RGS12: variants seen among roughly 807,000 people sequenced by gnomAD.
RGS12 encodes regulator of G protein signaling 12.
RGS12 carries 66 observed loss-of-function variants against 120.1 expected under a neutral mutation model. The ratio of observed to expected loss-of-function variants is 0.55; its 90% CI spans 0.45 to 0.67. The LOEUF is 0.67. RGS12 is among the 30% of genes least tolerant of loss of function. RGS12 has a pLI of 0.00. For missense variants in RGS12, 1,859 were observed against 1,957.7 expected, an observed-to-expected ratio of 0.95 and a Z score of 0.95; for synonymous variants, 827 against 804.7, an observed-to-expected ratio of 1.03 and a Z score of -0.47.
intron 4 of RGS12, among the ~76,000 whole-genome samples, chr4:3,406,793 G>C (rs887793709): frequency 2.6e-5 from 4 of 152,154 alleles, no homozygotes; most frequent in Non-Finnish European, 5.9e-5. Context: ...CCTCGGAAAG[G>C]GACCACCCCA....
chr4:3,361,328 G>A (rs1270398336), intron 3 of RGS12, among the ~76,000 whole-genome samples: 1 of 152,146 alleles, frequency 6.6e-6, no homozygotes, highest in African/African-American at 2.4e-5. Context: ...TTCACTTCAT[G>A]ATAAACCACC....
Position 3,343,132 on chromosome 4 carries a change from G to GT in RGS12, c.1998+85dup, listed in dbSNP as rs942888827. 6.0e-6 allele frequency: 6 copies of GT among 1,001,220 alleles called. No homozygotes were observed. In the African/African-American group the frequency reaches 6.4e-5, roughly 11 times the overall value. 62.0% of individuals were successfully genotyped at this position (1,001,220 alleles called of 1,614,324 possible). On this transcript the variant is annotated intron_variant, in intron 3 of 17. Transcript: ENST00000336727. ...GTCCACCTTGCAGATACGTCTGGCT[G>GT]TTTTTTGAGTCCCTGTGGTCCCCTC...
At chr4:3,353,290 A>T (rs1714546884) in intron 3 of RGS12, among the ~76,000 whole-genome samples, 1 of 152,178 alleles carries the variant, frequency 6.6e-6, no homozygotes, top group Non-Finnish European at 1.5e-5. Context: ...TCTTTCTGAT[A>T]GGAATGGAAA....
rs1453465639 is a variant in RGS12 at position 3,389,112 on chromosome 4, C to T, written c.2020+2675C>T. ...GTATCGTGCTTTTATAGCTTAGGCT[C>T]TCGCTGGAGAGTTTTAGTTTTGTGG... On this transcript the variant is annotated intron_variant, in intron 4 of 17. Transcript: ENST00000336727. This position sits in a 1 kb window ranked among gnomAD's most constrained non-coding sequence, Gnocchi z 5.2. 6.6e-6 allele frequency among the ~76,000 whole-genome samples: 1 copy of T among 152,184 alleles called. No homozygotes were observed. The highest frequency in any genetic ancestry group is 1.5e-5 in the Non-Finnish European group (1 of 68,040).
chr4:3,367,354 G>A (rs1043053944), intron 3 of RGS12, among the ~76,000 whole-genome samples: 2 of 152,266 alleles, frequency 1.3e-5, no homozygotes, highest in Non-Finnish European at 2.9e-5. Context: ...CCGTCCTGGT[G>A]AGGCGGTGCC....
At chr4:3,392,057 A>G (rs1719560005) in intron 4 of RGS12, among the ~76,000 whole-genome samples, 1 of 152,214 alleles carries the variant, frequency 6.6e-6, no homozygotes, top group Admixed American at 6.5e-5. Context: ...GCAGAAAGAA[A>G]GCATTATGTA....
At chr4:3,330,034 A>G (rs1050078236) in intron 2 of RGS12, among the ~76,000 whole-genome samples, 3 of 152,254 alleles carry the variant, frequency 2.0e-5, no homozygotes, top group Admixed American at 6.5e-5. Flanking sequence ...TCTGCCAAGT[A>G]CACCGCCTGG....
chr4:3,430,037 T>C (rs562143510), intron 16 of RGS12, among the ~76,000 whole-genome samples: 1 of 152,290 alleles, frequency 6.6e-6, no homozygotes, highest in South Asian at 2.1e-4. Context: ...GGGCCAGTCC[T>C]CAGAGGGCCC....
chr4:3,300,838 A>G (rs572690746), intron 1 of RGS12, among the ~76,000 whole-genome samples: 5 of 152,346 alleles, frequency 3.3e-5, no homozygotes, highest in Admixed American at 3.3e-4. Context: ...ATTCAGGATC[A>G]TTGCCTCATC....
the RGS12 span, among the ~76,000 whole-genome samples, chr4:3,287,770 A>G: frequency 1.3e-5 from 2 of 152,236 alleles, no homozygotes; most frequent in Non-Finnish European, 2.9e-5. Flanking sequence ...ATTCCACAAC[A>G]CGGGCACAGG....
rs1716847558 is a variant in RGS12 at position 3,370,399 on chromosome 4, G to A, written c.1999-16017G>A. On this transcript the variant is annotated intron_variant, in intron 3 of 17. Transcript: ENST00000336727. ...CACCCTGGCTATCCTGTTTTAGCGA[G>A]TGGCAGCTGTGGGACCTGCAAATGC... 4 of 1,336,794 alleles carry A rather than the reference G, an allele frequency of 3.0e-6. No homozygotes were observed. In the South Asian group the frequency reaches 4.7e-5, roughly 16 times the overall value. 82.8% of individuals were successfully genotyped at this position (1,336,794 alleles called of 1,614,324 possible). A position where few individuals can be genotyped will look rare whatever the true frequency, so the allele number is the denominator to read the frequency against.
At chr4:3,370,089 G>A (rs1416321148) in intron 3 of RGS12, 20 of 1,327,822 alleles carry the variant, frequency 1.5e-5, no homozygotes, top group Non-Finnish European at 1.8e-5. Flanking sequence ...AGACAATTGA[G>A]ATAGAGTCTG....
intron 3 of RGS12, among the ~76,000 whole-genome samples, chr4:3,369,218 C>G (rs978695531): frequency 6.6e-6 from 1 of 152,220 alleles, no homozygotes; most frequent in African/African-American, 2.4e-5. Flanking sequence ...TTGTTACGTG[C>G]ACAGCTCCTG....
upstream of RGS12, among the ~76,000 whole-genome samples, chr4:3,290,834 C>T (rs548976902): frequency 2.6e-5 from 4 of 152,342 alleles, no homozygotes; most frequent in Admixed American, 1.3e-4. Context: ...TGTGTCTAGC[C>T]CCTCCAGATG....
In RGS12 at chr4:3,414,165, G is replaced by C; in HGVS notation, c.2114G>C (p.Arg705Pro). The C allele has an allele frequency of 6.4e-7, 1 of 1,557,000 alleles. No individual in the cohort carries two copies. The highest frequency in any genetic ancestry group is 1.2e-5 in the South Asian group (1 of 85,320). The part of the protein sequence containing the change: ...LPSVQSCRRL[R>P]ERRVASWAVS... ...AGCGTGCAGAGCTGCCGGCGCCTGC[G>C]TGAGAGGAGGGTCGCCAGCTGGGCC... is the stretch of plus-strand genomic sequence containing the variant. The change falls in exon 5 of 18, where the codon CGT (arginine) becomes CCT (proline). Residue 705 changes from arginine to proline, a missense_variant. Transcript: ENST00000336727.
intron 3 of RGS12, among the ~76,000 whole-genome samples, chr4:3,376,684 A>T (rs530977277): frequency 2.0e-5 from 3 of 152,208 alleles, no homozygotes; most frequent in Non-Finnish European, 4.4e-5. Flanking sequence ...TGCTGCTCAC[A>T]GACTGTGAAT....
At chr4:3,305,177 G>A (rs1002524161) in intron 1 of RGS12, among the ~76,000 whole-genome samples, 1 of 152,230 alleles carries the variant, frequency 6.6e-6, no homozygotes, top group African/African-American at 2.4e-5. Context: ...GAGCATGAGC[G>A]AGACGAAAGC....
chr4:3,415,105 C>T (rs1480919861), intron 6 of RGS12, among the ~76,000 whole-genome samples: 2 of 63,624 alleles, frequency 3.1e-5, no homozygotes, highest in African/African-American at 6.6e-5. Flanking sequence ...TGTGAGAGGT[C>T]GCGTGTGAGA....
chr4:3,415,875 G>C, intron 6 of RGS12, 103 bp from the exon 7 acceptor site: 1 of 1,268,080 alleles, frequency 7.9e-7, no homozygotes, highest in Non-Finnish European at 1.1e-6. Flanking sequence ...ACTGGGGCCC[G>C]TGAGAACACA....
Sources: gnomAD v4.1 joint callset for allele counts (sites outside exome capture counted in the v4.1 genomes callset) on GRCh38, gnomAD v4.1.1 for gene constraint, Gnocchi (gnomAD v3.1) non-coding constraint, MANE v1.5 for transcripts, NCBI Gene and HGNC (gene_info 2026-07-23, HGNC 2026-07-21) for gene names.